PTPRG: variants seen among roughly 807,000 people sequenced by gnomAD.
PTPRG encodes receptor-type tyrosine-protein phosphatase gamma.
A neutral mutation model predicts 165.3 loss-of-function variants in PTPRG; 102 were observed. The observed-to-expected ratio is 0.62, with a 90% CI of 0.53 to 0.73. PTPRG has a LOEUF of 0.73. Ranked by LOEUF, PTPRG falls within the 30% of genes least tolerant of loss-of-function variation. The probability of loss-of-function intolerance (pLI) is 0.00; values close to 1 mark genes in which losing one functional copy is unlikely to be tolerated. For synonymous variants in PTPRG, 675 were observed against 669.5 expected, an observed-to-expected ratio of 1.01 and a Z score of -0.13; for missense variants, 1,866 against 1,861.4, an observed-to-expected ratio of 1.00 and a Z score of -0.05.
At chr3:61,675,491 C>A (rs1012870509) in intron 1 of PTPRG, among the ~76,000 whole-genome samples, 4 of 152,028 alleles carry the variant, frequency 2.6e-5, no homozygotes, top group South Asian at 2.1e-4. Flanking sequence ...GAAACTGAGT[C>A]CCGTATTTTT....
intron 5 of PTPRG, among the ~76,000 whole-genome samples, chr3:62,112,856 T>A (rs1267545063): frequency 6.6e-6 from 1 of 152,190 alleles, no homozygotes; most frequent in African/African-American, 2.4e-5. Flanking sequence ...TGAGGTGACT[T>A]CTCCAGTTTG....
At chr3:61,870,623 C>T (rs2037544290) in intron 2 of PTPRG, among the ~76,000 whole-genome samples, 1 of 148,404 alleles carries the variant, frequency 6.7e-6, no homozygotes, top group Admixed American at 6.8e-5. Context: ...TCAGGTGATC[C>T]ACCCACCTCA....
intron 1 of PTPRG, among the ~76,000 whole-genome samples, chr3:61,680,099 G>A (rs1559554257): frequency 1.3e-5 from 2 of 152,156 alleles, no homozygotes; most frequent in Non-Finnish European, 2.9e-5. Flanking sequence ...GGCCAGAACA[G>A]AACAAAGACG....
At chr3:61,755,234 CTGACCTCAAG>C (rs530053030) in intron 2 of PTPRG, among the ~76,000 whole-genome samples, 83 of 152,310 alleles carry the variant, frequency 5.4e-4, no homozygotes, top group Non-Finnish European at 1.1e-3. Context: ...TCTCGAACTC[CTGACCTCAAG>C]TGATCTGCCT....
In PTPRG at chr3:62,210,164, C is replaced by T. The variant is rs181107858; in HGVS notation, c.2155+6214C>T. On this transcript the variant is annotated intron_variant, in intron 12 of 29. Coordinates refer to ENST00000474889, the MANE Select transcript of PTPRG (RefSeq NM_002841.4). This position sits in a 1 kb window ranked among gnomAD's most constrained non-coding sequence, Gnocchi z 4.1. ...GAAATGGTAAGGGAGCACTTATTCA[C>T]AGGAACTCTTGGCAGTGATATAAAT... Among the ~76,000 whole-genome samples the T allele has an allele frequency of 6.6e-6, 1 of 152,288 alleles. No homozygotes were observed. Among genetic ancestry groups the T allele is most frequent in the East Asian group, 1.9e-4 (1 of 5,182 alleles).
chr3:61,674,277 G>A (rs975263117), intron 1 of PTPRG, among the ~76,000 whole-genome samples: 1 of 151,866 alleles, frequency 6.6e-6, no homozygotes, highest in Non-Finnish European at 1.5e-5. Flanking sequence ...GAAAGATCTG[G>A]ATACTGATCT....
intron 2 of PTPRG, among the ~76,000 whole-genome samples, chr3:61,803,540 C>T (rs956194375): frequency 3.3e-5 from 4 of 122,410 alleles, no homozygotes; most frequent in Non-Finnish European, 6.9e-5. Flanking sequence ...CTGCTAAGCA[C>T]ACTGCAACCC....
intron 8 of PTPRG, among the ~76,000 whole-genome samples, chr3:62,172,343 G>A (rs1035120870): frequency 6.6e-6 from 1 of 152,132 alleles, no homozygotes; most frequent in Non-Finnish European, 1.5e-5. Flanking sequence ...CCAAAGTGGT[G>A]GCATCAGTTT....
chr3:61,822,476 A>G (rs968335250), intron 2 of PTPRG, among the ~76,000 whole-genome samples: 4 of 152,206 alleles, frequency 2.6e-5, no homozygotes, highest in African/African-American at 9.7e-5. Context: ...TTCACAGCCA[A>G]CTCTGGTAAT....
chr3:61,643,546 G>A (rs958590204), intron 1 of PTPRG, among the ~76,000 whole-genome samples: 4 of 152,108 alleles, frequency 2.6e-5, no homozygotes, highest in South Asian at 2.1e-4. Flanking sequence ...TTGGGAGGCC[G>A]AGGCGGTGAA....
chr3:61,988,716 A>T (rs183843403), intron 2 of PTPRG, among the ~76,000 whole-genome samples: 1 of 152,304 alleles, frequency 6.6e-6, no homozygotes, highest in East Asian at 1.9e-4. Context: ...TCTTTCCAGT[A>T]AAAGTTGTTT....
At position 62,195,203 on chromosome 3, in the gene PTPRG, G is replaced by T. The variant is rs1699929784; in HGVS notation, c.1327+33G>T. ...TGGCTTCCCCTCCTGTGGCCGGGGT[G>T]CCCCTGAGACTCCCTCCCAATGCTT... On this transcript the variant is annotated intron_variant, in intron 10 of 29. Transcript: ENST00000474889. This position sits in a 1 kb window ranked among gnomAD's most constrained non-coding sequence, Gnocchi z 4.4. The T allele has an allele frequency of 6.3e-7, 1 of 1,575,632 alleles. No homozygotes were observed. Among genetic ancestry groups the T allele is most frequent in the Admixed American group, 1.7e-5 (1 of 59,948 alleles).
chr3:61,687,053 A>G (rs1463906245), intron 1 of PTPRG, among the ~76,000 whole-genome samples: 1 of 152,168 alleles, frequency 6.6e-6, no homozygotes, highest in Non-Finnish European at 1.5e-5. Flanking sequence ...AAATGCATCA[A>G]CCGTTGACCA....
At position 62,195,487 on chromosome 3, in the gene PTPRG, A is replaced by G. The variant is rs1480902190; in HGVS notation, c.1327+317A>G. ...GTGTCAGATCACACAATCACTTCCA[A>G]GTTGTACCGCTGAATATCCTCTTTG... On this transcript the variant is annotated intron_variant, in intron 10 of 29. Transcript: ENST00000474889. The surrounding 1 kb of genome is among the most constrained non-coding windows in gnomAD (Gnocchi z 4.4). Among the ~76,000 whole-genome samples, 5 of 152,070 alleles carry G rather than the reference A, an allele frequency of 3.3e-5. No homozygotes were observed. Among genetic ancestry groups the G allele is most frequent in the South Asian group, 2.1e-4 (1 of 4,814 alleles).
At position 62,170,996 on chromosome 3, in the gene PTPRG, A is replaced by G. The variant is rs114428934; in HGVS notation, c.1033+2833A>G. On this transcript the variant is annotated intron_variant, in intron 8 of 29. Transcript: ENST00000474889. ...TTCCAGAAATTCACTTAGCCTGTTT[A>G]ATAAATTGCATAAAGTTAGAATCAT... Among the ~76,000 whole-genome samples, 652 of 152,276 alleles carry G rather than the reference A, an allele frequency of 4.3e-3. 2 individuals are homozygous for G. The highest frequency in any genetic ancestry group is 0.014 in the African/African-American group (599 of 41,536).
chr3:62,104,356 A>T lies in PTPRG; in HGVS notation c.615+26098A>T, dbSNP rs202212078. Among the ~76,000 whole-genome samples, 3 of 152,298 alleles carry T rather than the reference A, an allele frequency of 2.0e-5. No homozygotes were observed. The East Asian group carries it at 5.8e-4, about 29-fold the overall frequency. On this transcript the variant is annotated intron_variant, in intron 5 of 29. Coordinates refer to ENST00000474889, the MANE Select transcript of PTPRG (RefSeq NM_002841.4). ...TTTTGCTTTGTTTTGTCAGCCAAATATGAGATTTGAGCATGAAATCGTATA... is the reference window on the plus strand; with the variant it reads ...TTTTGCTTTGTTTTGTCAGCCAAATTTGAGATTTGAGCATGAAATCGTATA...
At chr3:62,290,107 G>A (rs560802249) in intron 28 of PTPRG, among the ~76,000 whole-genome samples, 1 of 151,876 alleles carries the variant, frequency 6.6e-6, no homozygotes, top group Non-Finnish European at 1.5e-5. Context: ...CACAAAAGGA[G>A]GCCATTAATA....
At position 62,203,220 on chromosome 3, in the gene PTPRG, G is replaced by A. The variant is rs775660224; in HGVS notation, c.1425G>A (p.Ser475=). 2.7e-5 allele frequency: 43 copies of A among 1,612,150 alleles called. 1 individual carries two copies. In the South Asian group the frequency reaches 3.0e-4, roughly 11 times the overall value. Residue 475 remains serine, a synonymous_variant, in exon 12 of 30, where the codon TCG becomes TCA. Transcript: ENST00000474889. The surrounding 1 kb of genome is among the most constrained non-coding windows in gnomAD (Gnocchi z 6.4). ...CAGCCGACATGGCCCCCATCAGCTCGGGGTCTTCTACCTGGACGTCCTCTG... is the reference window on the plus strand; with the variant it reads ...CAGCCGACATGGCCCCCATCAGCTCAGGGTCTTCTACCTGGACGTCCTCTG... The part of the protein sequence containing the change: ...ASSADMAPIS[S]GSSTWTSSGI...
intron 2 of PTPRG, among the ~76,000 whole-genome samples, chr3:61,798,920 C>G (rs1237019141): frequency 6.6e-6 from 1 of 152,082 alleles, no homozygotes; most frequent in East Asian, 1.9e-4. Flanking sequence ...ACAGAGCCAG[C>G]CTTCCGTTCC....
Sources: gnomAD v4.1 joint callset for allele counts (sites outside exome capture counted in the v4.1 genomes callset) on GRCh38, gnomAD v4.1.1 for gene constraint, Gnocchi (gnomAD v3.1) non-coding constraint, MANE v1.5 for transcripts, NCBI Gene and HGNC (gene_info 2026-07-23, HGNC 2026-07-21) for gene names.